Variants in EIPR1 observed in about 807,000 individuals in gnomAD.
EIPR1 encodes the protein EARP and GARP complex-interacting protein 1.
EIPR1 carries 25 observed loss-of-function variants against 48.1 expected under a neutral mutation model. The ratio of observed to expected loss-of-function variants is 0.52; its 90% CI spans 0.38 to 0.73. The LOEUF (loss-of-function observed/expected upper bound fraction) is 0.73. Among genes scored for constraint, EIPR1 ranks in the 30% least tolerant of loss-of-function variants. The pLI is 0.00. For synonymous variants in EIPR1, 204 were observed against 201.9 expected (o/e 1.01, Z -0.09); for missense variants, 415 against 506.2 (o/e 0.82, Z 1.73).
In EIPR1 at chr2:3,211,823, G is replaced by A. The variant is rs557327007; in HGVS notation, c.516+2326C>T. Among the ~76,000 whole-genome samples the A allele has an allele frequency of 3.3e-5, 5 of 152,286 alleles. No homozygotes were observed. The South Asian group carries it at 1.0e-3, about 32-fold the overall frequency. ...CTCCTTGACAGAAGCTATTTATTTCGTGGCGAGTGAAAGCTGGGAAAGGCG... is the reference window on the plus strand; with the variant it reads ...CTCCTTGACAGAAGCTATTTATTTCATGGCGAGTGAAAGCTGGGAAAGGCG... On this transcript the variant is annotated intron_variant, in intron 5 of 8. Coordinates refer to ENST00000382125, the MANE Select transcript of EIPR1 (RefSeq NM_003310.5).
chr2:3,293,650 CG>C (rs1028550516), intron 3 of EIPR1, among the ~76,000 whole-genome samples: 1 of 152,218 alleles, frequency 6.6e-6, no homozygotes, highest in African/African-American at 2.4e-5. Flanking sequence ...ACAGTCCTCC[CG>C]GGTTTTCAGG....
At chr2:3,314,657 TC>T (rs1669230374) in intron 3 of EIPR1, among the ~76,000 whole-genome samples, 1 of 151,706 alleles carries the variant, frequency 6.6e-6, no homozygotes, top group South Asian at 2.1e-4. Context: ...TTGTGTCCCC[TC>T]CCAATCCCCC....
chr2:3,348,384 G>C (rs1200569255), intron 2 of EIPR1, among the ~76,000 whole-genome samples: 1 of 152,148 alleles, frequency 6.6e-6, no homozygotes. Context: ...ATGAGAAAGA[G>C]GGGGGCACCA....
At chr2:3,279,170 G>A (rs1427635662) in intron 3 of EIPR1, among the ~76,000 whole-genome samples, 1 of 152,008 alleles carries the variant, frequency 6.6e-6, no homozygotes, top group African/African-American at 2.4e-5. Flanking sequence ...CCTCGCAACC[G>A]ATCATGTCAG....
chr2:3,211,627 G>A (rs1483960392), intron 5 of EIPR1, among the ~76,000 whole-genome samples: 1 of 152,178 alleles, frequency 6.6e-6, no homozygotes. Flanking sequence ...TGGAAACACT[G>A]TGTTCCTGAA....
At chr2:3,203,345 C>T (rs1665114303) in intron 5 of EIPR1, among the ~76,000 whole-genome samples, 1 of 152,254 alleles carries the variant, frequency 6.6e-6, no homozygotes, top group African/African-American at 2.4e-5. Context: ...TGAACAGAAC[C>T]TACATCAGTG....
chr2:3,362,110 T>G (rs945470122), intron 1 of EIPR1, among the ~76,000 whole-genome samples: 1 of 152,144 alleles, frequency 6.6e-6, no homozygotes, highest in Non-Finnish European at 1.5e-5. Flanking sequence ...GCACGTCCAC[T>G]CAACTAAGCT....
chr2:3,228,502 G>A (rs1419033846), intron 4 of EIPR1, among the ~76,000 whole-genome samples: 1 of 152,180 alleles, frequency 6.6e-6, no homozygotes, highest in African/African-American at 2.4e-5. Flanking sequence ...CTTTGGACTT[G>A]GACTTTTGGG....
chr2:3,341,160 G>A (rs532316985), intron 2 of EIPR1, among the ~76,000 whole-genome samples: 2 of 149,444 alleles, frequency 1.3e-5, no homozygotes, highest in Non-Finnish European at 3.0e-5. Flanking sequence ...AATCAGTTGT[G>A]GTATATTCAC....
At chr2:3,273,025 A>G (rs1045401234) in intron 3 of EIPR1, among the ~76,000 whole-genome samples, 11 of 152,256 alleles carry the variant, frequency 7.2e-5, no homozygotes, top group African/African-American at 2.7e-4. Context: ...GTCAAGAGCT[A>G]TCTACGCGAA....
chr2:3,334,188 C>T (rs573884984), intron 3 of EIPR1, among the ~76,000 whole-genome samples: 54 of 152,250 alleles, frequency 3.5e-4, no homozygotes, highest in African/African-American at 1.3e-3. Flanking sequence ...GCCCAGGCAC[C>T]GGCAGGGTAA....
chr2:3,369,336 A>C (rs531118589), intron 1 of EIPR1, among the ~76,000 whole-genome samples: 1 of 152,200 alleles, frequency 6.6e-6, no homozygotes, highest in Admixed American at 6.5e-5. Flanking sequence ...CTGCATTTCC[A>C]TATGAGGTAC....
chr2:3,213,870 C>T (rs752948180), intron 5 of EIPR1, among the ~76,000 whole-genome samples: 1 of 152,142 alleles, frequency 6.6e-6, no homozygotes, highest in Non-Finnish European at 1.5e-5. Flanking sequence ...TTTCATTACA[C>T]TTTAAGTTCT....
chr2:3,228,653 G>C (rs925278997), intron 4 of EIPR1, among the ~76,000 whole-genome samples: 2 of 152,112 alleles, frequency 1.3e-5, no homozygotes, highest in African/African-American at 4.8e-5. Flanking sequence ...TTTCATCCTG[G>C]ATTATAATCC....
chr2:3,233,594 C>G (rs1666309766), intron 4 of EIPR1, among the ~76,000 whole-genome samples: 1 of 152,238 alleles, frequency 6.6e-6, no homozygotes, highest in South Asian at 2.1e-4. Flanking sequence ...CAGGGTATGT[C>G]TTCGCTGCTT....
intron 3 of EIPR1, among the ~76,000 whole-genome samples, chr2:3,277,965 G>A (rs1667907654): frequency 6.6e-6 from 1 of 152,220 alleles, no homozygotes; most frequent in East Asian, 1.9e-4. Flanking sequence ...GCACAAGCCA[G>A]TCAGGGCTGC....
chr2:3,328,920 T>A (rs111622613), intron 3 of EIPR1, among the ~76,000 whole-genome samples: 2 of 105,564 alleles, frequency 1.9e-5, no homozygotes, highest in African/African-American at 3.2e-5. Context: ...CTCCCCTGAA[T>A]CAGAGCCCAC....
chr2:3,225,222 A>ATGTGTGTGTGTGTG lies in EIPR1; in HGVS notation c.417-10988_417-10975dup, dbSNP rs61557621. Among the ~76,000 whole-genome samples, 398 of 137,014 alleles carry ATGTGTGTGTGTGTG rather than the reference A, an allele frequency of 2.9e-3. 2 individuals carry two copies. The highest frequency in any genetic ancestry group is 5.1e-3 in the East Asian group (24 of 4,724). The allele number at this position is 137,014 out of a possible 152,430, so 89.9% of individuals were successfully genotyped here. On this transcript the variant is annotated intron_variant, in intron 4 of 8. Transcript: ENST00000382125. ...GTATATTTAGGTAGTACACTGTGAT[A>ATGTGTGTGTGTGTG]TGTGTGTGTGTGTGTGTGTGTGTGT...
intron 5 of EIPR1, among the ~76,000 whole-genome samples, chr2:3,205,944 C>G (rs1234540196): frequency 1.3e-5 from 2 of 152,188 alleles, no homozygotes; most frequent in Non-Finnish European, 2.9e-5. Flanking sequence ...TTCATCTTTA[C>G]TATGACTCAA....
Sources: allele counts gnomAD v4.1 joint callset (sites outside exome capture counted in the v4.1 genomes callset), GRCh38; gene constraint gnomAD v4.1.1; transcripts MANE v1.5; gene names NCBI Gene and HGNC (gene_info 2026-07-23, HGNC 2026-07-21).